The following SYT2 variants were observed in gnomAD, a reference collection of about 807,000 sequenced individuals.
SYT2 encodes the protein synaptotagmin-2.
A neutral mutation model predicts 39.9 loss-of-function variants in SYT2; 15 were observed. The ratio of observed to expected loss-of-function variants is 0.38; its 90% CI spans 0.25 to 0.58. The LOEUF (loss-of-function observed/expected upper bound fraction) is 0.58, where lower values mean the gene tolerates loss of function less well. Ranked by LOEUF, SYT2 falls within the 20% of genes least tolerant of loss-of-function variation. SYT2 has a pLI of 0.70. For missense variants in SYT2, 389 were observed against 530.3 expected, an observed-to-expected ratio of 0.73 and a Z score of 2.62; for synonymous variants, 181 against 204.5, an observed-to-expected ratio of 0.89 and a Z score of 0.98.
rs1264337681 is a variant in SYT2 at position 202,623,941 on chromosome 1, G to A, written c.-17-18152C>T. Among the ~76,000 whole-genome samples the A allele has an allele frequency of 6.6e-6, 1 of 152,338 alleles. No homozygotes were observed. Among genetic ancestry groups the A allele is most frequent in the East Asian group, 1.9e-4 (1 of 5,180 alleles). On this transcript the variant is annotated intron_variant, in intron 1 of 8. Transcript: ENST00000367268. This position sits in a 1 kb window ranked among gnomAD's most constrained non-coding sequence, Gnocchi z 4.2. ...ACACAGCACCTTCCAGCACAGTCCC[G>A]ATATCTTTCATGCCAGATGCACATC...
At position 202,599,094 on chromosome 1, in the gene SYT2, G is replaced by A. The variant is rs777472391; in HGVS notation, c.1053+124C>T. The A allele has an allele frequency of 3.4e-5, 47 of 1,367,184 alleles. No individual in the cohort carries two copies. The highest frequency in any genetic ancestry group is 7.5e-5 in the African/African-American group (5 of 66,868). 84.7% of individuals were successfully genotyped at this position (1,367,184 alleles called of 1,614,324 possible). A position where few individuals can be genotyped will look rare whatever the true frequency, so the allele number is the denominator to read the frequency against. On this transcript the variant is annotated intron_variant, in intron 8 of 8. Coordinates refer to ENST00000367268, the MANE Select transcript of SYT2 (RefSeq NM_177402.5). The surrounding 1 kb of genome is among the most constrained non-coding windows in gnomAD (Gnocchi z 4.4). ...CCCCACCCAGGCACCATTAGACCTC[G>A]AGCCTTCCCCTACCAAGAAAGGCTG...
intron 1 of SYT2, among the ~76,000 whole-genome samples, chr1:202,655,794 G>C (rs1013739557): frequency 6.6e-6 from 1 of 152,166 alleles, no homozygotes; most frequent in African/African-American, 2.4e-5. Context: ...CTGTGTCATG[G>C]GTAGCAAAGA....
chr1:202,675,147 G>C (rs1307883970), intron 1 of SYT2, among the ~76,000 whole-genome samples: 1 of 152,136 alleles, frequency 6.6e-6, no homozygotes, highest in Non-Finnish European at 1.5e-5. Flanking sequence ...TATGATGTCT[G>C]CATATGTGCA....
At chr1:202,699,994 A>G (rs1040147839) in intron 1 of SYT2, among the ~76,000 whole-genome samples, 2 of 152,134 alleles carry the variant, frequency 1.3e-5, no homozygotes, top group African/African-American at 4.8e-5. Flanking sequence ...CTTTAAACAG[A>G]AGCTTAAGAG....
At chr1:202,598,457 C>G (rs1690376926) in intron 8 of SYT2, among the ~76,000 whole-genome samples, 1 of 152,212 alleles carries the variant, frequency 6.6e-6, no homozygotes, top group African/African-American at 2.4e-5. Context: ...TAACATCATA[C>G]ACATCTCCAT....
chr1:202,635,211 T>C (rs894181467), intron 1 of SYT2, among the ~76,000 whole-genome samples: 2 of 152,172 alleles, frequency 1.3e-5, no homozygotes, highest in African/African-American at 4.8e-5. Context: ...CTTTGTGTTG[T>C]CGAACTCCTG....
At chr1:202,662,912 T>C (rs185405593) in intron 1 of SYT2, among the ~76,000 whole-genome samples, 10 of 152,330 alleles carry the variant, frequency 6.6e-5, no homozygotes, top group Admixed American at 6.5e-4. Context: ...GTAATAATAA[T>C]GGAGAAGTGA....
At chr1:202,701,008 T>C (rs1301476214) in intron 1 of SYT2, among the ~76,000 whole-genome samples, 4 of 152,236 alleles carry the variant, frequency 2.6e-5, no homozygotes, top group South Asian at 4.1e-4. Context: ...TTCGAAGATA[T>C]TGGCTTGCCG....
At chr1:202,664,073 A>G (rs1692439001) in intron 1 of SYT2, among the ~76,000 whole-genome samples, 1 of 152,188 alleles carries the variant, frequency 6.6e-6, no homozygotes, top group Non-Finnish European at 1.5e-5. Flanking sequence ...TCTCTTTGCA[A>G]CGCAGGTAGG....
In SYT2 at chr1:202,601,762, G is replaced by A. The variant is rs963667241; in HGVS notation, c.801+128C>T. 6.1e-6 allele frequency: 6 copies of A among 981,888 alleles called. No homozygotes were observed. The highest frequency in any genetic ancestry group is 7.7e-6 in the Non-Finnish European group (5 of 650,512). 60.8% of individuals were successfully genotyped at this position (981,888 alleles called of 1,614,324 possible). On this transcript the variant is annotated intron_variant, in intron 6 of 8. Transcript: ENST00000367268. This position sits in a 1 kb window ranked among gnomAD's most constrained non-coding sequence, Gnocchi z 4.0. ...TTGCCCAGGGTCACACAGCCAGGCA[G>A]TGTGGAGCTGGGATCCTAACACAGG...
intron 1 of SYT2, among the ~76,000 whole-genome samples, chr1:202,695,210 A>T (rs1312503520): frequency 1.3e-5 from 2 of 152,172 alleles, no homozygotes; most frequent in African/African-American, 4.8e-5. Flanking sequence ...GCATTAATGC[A>T]ATACACCCCT....
At chr1:202,640,516 A>G (rs896656979) in intron 1 of SYT2, among the ~76,000 whole-genome samples, 13 of 140,812 alleles carry the variant, frequency 9.2e-5, no homozygotes, top group African/African-American at 3.9e-4. Flanking sequence ...TTAGCCACTC[A>G]CTCCAGGGAC....
At chr1:202,705,171 G>C (rs1654216983) in intron 1 of SYT2, among the ~76,000 whole-genome samples, 1 of 152,282 alleles carries the variant, frequency 6.6e-6, no homozygotes, top group Admixed American at 6.5e-5. Flanking sequence ...CCCCTGCAAA[G>C]TGCCTATGAT....
chr1:202,699,001 C>T (rs1237441566), intron 1 of SYT2, among the ~76,000 whole-genome samples: 1 of 144,660 alleles, frequency 6.9e-6, no homozygotes, highest in East Asian at 2.1e-4. Flanking sequence ...GAACCAGTAA[C>T]CAAACTGTCT....
At chr1:202,617,693 A>G (rs556790173) in intron 1 of SYT2, among the ~76,000 whole-genome samples, 47 of 152,180 alleles carry the variant, frequency 3.1e-4, no homozygotes, top group African/African-American at 8.7e-4. Context: ...CCCCGCATCA[A>G]GGCCTCAACC....
At chr1:202,650,415 CCA>C (rs1558448701) in intron 1 of SYT2, among the ~76,000 whole-genome samples, 3 of 151,610 alleles carry the variant, frequency 2.0e-5, no homozygotes, top group Admixed American at 6.6e-5. Context: ...TTGGGGTCTG[CCA>C]AACATTTGTT....
At chr1:202,603,380 C>T (rs1459759238) in intron 3 of SYT2, among the ~76,000 whole-genome samples, 3 of 152,166 alleles carry the variant, frequency 2.0e-5, no homozygotes, top group Non-Finnish European at 2.9e-5. Flanking sequence ...CTCTGAGACA[C>T]ACTGTGCTAT....
Position 202,601,946 on chromosome 1 carries a change from C to A in SYT2, c.745G>T (p.Asp249Tyr), listed in dbSNP as rs185806999. Residue 249 changes from aspartate to tyrosine, a missense_variant, in exon 6 of 9, where the codon GAC becomes TAC. Asp to Tyr is a radical substitution (Grantham distance 160). This residue lies in a region of SYT2 where 280 missense variants were observed against 335.6 expected (regional missense o/e 0.83). Coordinates refer to ENST00000367268, the MANE Select transcript of SYT2 (RefSeq NM_177402.5). The surrounding 1 kb of genome is among the most constrained non-coding windows in gnomAD (Gnocchi z 4.0). ...GEVKVPMNTV[D>Y]LGQPIEEWRD... ...CACTCCTCAATGGGCTGGCCGAGGT[C>A]CACTGTGTTCATAGGCACCTTTACC... is the stretch of plus-strand genomic sequence containing the variant. The A allele has an allele frequency of 6.8e-6, 11 of 1,614,174 alleles. No homozygotes were observed. The highest frequency in any genetic ancestry group is 9.3e-6 in the Non-Finnish European group (11 of 1,180,028).
At chr1:202,696,771 G>A (rs941650272) in intron 1 of SYT2, among the ~76,000 whole-genome samples, 2 of 152,162 alleles carry the variant, frequency 1.3e-5, no homozygotes, top group South Asian at 2.1e-4. Context: ...GTGAGTAGAC[G>A]TAATATCATG....
Sources: gnomAD v4.1 joint callset for allele counts (sites outside exome capture counted in the v4.1 genomes callset) on GRCh38, gnomAD v4.1.1 for gene constraint, gnomAD v4.1.1 regional missense constraint, Gnocchi (gnomAD v3.1) non-coding constraint, MANE v1.5 for transcripts, NCBI Gene and HGNC (gene_info 2026-07-23, HGNC 2026-07-21) for gene names.